The following LIN28B variants were observed in gnomAD, a reference collection of about 807,000 sequenced individuals.
LIN28B encodes the protein lin-28 RNA binding posttranscriptional regulator B.
Under a neutral mutation model 21.9 loss-of-function variants are expected in LIN28B, and 5 were observed. That is an observed-to-expected ratio of 0.23 (90% CI 0.12 to 0.48). The LOEUF (loss-of-function observed/expected upper bound fraction) is 0.48, where lower values mean the gene tolerates loss of function less well. LIN28B is among the 20% of genes least tolerant of loss of function. The pLI is 0.98. For missense variants in LIN28B, 245 were observed against 310.5 expected (o/e 0.79, Z 1.58); for synonymous variants, 109 against 111.3 (o/e 0.98, Z 0.13).
At chr6:104,978,438 G>A (rs1283931965) in intron 2 of LIN28B, among the ~76,000 whole-genome samples, 1 of 152,036 alleles carries the variant, frequency 6.6e-6, no homozygotes, top group Non-Finnish European at 1.5e-5. Flanking sequence ...TCAGCTGCTT[G>A]AATACCTTAA....
intron 2 of LIN28B, among the ~76,000 whole-genome samples, chr6:105,010,965 C>A (rs1770911014): frequency 6.6e-6 from 1 of 152,152 alleles, no homozygotes; most frequent in Admixed American, 6.6e-5. Context: ...TTACAGTATA[C>A]TCATTTTTTA....
At chr6:105,057,039 C>T (rs934528609) in intron 3 of LIN28B, among the ~76,000 whole-genome samples, 2 of 152,156 alleles carry the variant, frequency 1.3e-5, no homozygotes, top group Admixed American at 1.3e-4. Flanking sequence ...ATAAGTCTAT[C>T]ATATTCAGAA....
At chr6:105,074,635 T>G (rs1302545132) in intron 3 of LIN28B, among the ~76,000 whole-genome samples, 1 of 152,242 alleles carries the variant, frequency 6.6e-6, no homozygotes, top group African/African-American at 2.4e-5. Context: ...CTCATTAGAA[T>G]TACAGTATTT....
intron 3 of LIN28B, among the ~76,000 whole-genome samples, chr6:105,046,959 C>T (rs547769153): frequency 2.7e-4 from 38 of 139,682 alleles, no homozygotes; most frequent in Middle Eastern, 7.8e-3. Context: ...TTCTCCCATT[C>T]CGTAGGTTGC....
intron 2 of LIN28B, among the ~76,000 whole-genome samples, chr6:104,991,100 C>T (rs1770458123): frequency 6.6e-6 from 1 of 151,858 alleles, no homozygotes; most frequent in African/African-American, 2.4e-5. Flanking sequence ...GGGGTGGCGG[C>T]GGGCAGAGGG....
At chr6:104,988,564 C>T (rs1770395683) in intron 2 of LIN28B, among the ~76,000 whole-genome samples, 1 of 143,062 alleles carries the variant, frequency 7.0e-6, no homozygotes, top group Admixed American at 7.6e-5. Flanking sequence ...AGGAAGACTA[C>T]CTAGATTTTT....
intron 3 of LIN28B, among the ~76,000 whole-genome samples, chr6:105,049,218 T>C (rs1415401519): frequency 6.6e-6 from 1 of 152,206 alleles, no homozygotes; most frequent in African/African-American, 2.4e-5. Context: ...TTCTCATTGG[T>C]TTCAAAGAGC....
intron 2 of LIN28B, among the ~76,000 whole-genome samples, chr6:104,972,634 A>T (rs1471738270): frequency 6.6e-6 from 1 of 152,172 alleles, no homozygotes; most frequent in Non-Finnish European, 1.5e-5. Flanking sequence ...AGTTTAATGA[A>T]TTATTTGATT....
At chr6:104,940,978 A>G (rs1023018563) in intron 2 of LIN28B, 1 of 151,084 alleles carries the variant, frequency 6.6e-6, no homozygotes, top group Admixed American at 6.6e-5. Flanking sequence ...CCCCTCTCAC[A>G]CCCAGGCTAG....
At chr6:105,076,968 G>T (rs1040967130) in intron 3 of LIN28B, among the ~76,000 whole-genome samples, 3 of 151,710 alleles carry the variant, frequency 2.0e-5, no homozygotes, top group African/African-American at 4.8e-5. Context: ...AGTGGCTCAC[G>T]TCTGTAATCC....
intron 2 of LIN28B, among the ~76,000 whole-genome samples, chr6:105,024,628 C>T (rs1771249540): frequency 1.3e-5 from 2 of 152,148 alleles, no homozygotes; most frequent in Non-Finnish European, 2.9e-5. Flanking sequence ...AAAGGTGCTG[C>T]CAAATTGCAG....
chr6:104,941,117 G>C (rs1432486742), intron 2 of LIN28B: 1 of 152,240 alleles, frequency 6.6e-6, no homozygotes, highest in Non-Finnish European at 1.5e-5. Flanking sequence ...GCAACGTCGA[G>C]GGGAGCTCCG....
At chr6:104,977,839 T>TA (rs1218896974) in intron 2 of LIN28B, among the ~76,000 whole-genome samples, 3 of 152,136 alleles carry the variant, frequency 2.0e-5, no homozygotes, top group Non-Finnish European at 4.4e-5. Context: ...ATGCTAGGAT[T>TA]ACAGGCGTGA....
At chr6:105,008,533 A>G (rs1249195180) in intron 2 of LIN28B, among the ~76,000 whole-genome samples, 1 of 151,616 alleles carries the variant, frequency 6.6e-6, no homozygotes, top group Non-Finnish European at 1.5e-5. Context: ...GGTCCCAGCT[A>G]CTCGGGAGGC....
chr6:105,074,401 T>C (rs563067548), intron 3 of LIN28B, among the ~76,000 whole-genome samples: 61 of 152,264 alleles, frequency 4.0e-4, no homozygotes, highest in Admixed American at 7.8e-4. Context: ...GGTTTCACCA[T>C]GTTAGCCAAG....
chr6:105,069,564 A>T (rs1263920134), intron 3 of LIN28B, among the ~76,000 whole-genome samples: 2 of 150,228 alleles, frequency 1.3e-5, no homozygotes, highest in Non-Finnish European at 3.0e-5. Flanking sequence ...GTCTCTACAA[A>T]AAATTTAAAA....
chr6:105,042,030 T>C (rs1230900843), intron 3 of LIN28B, among the ~76,000 whole-genome samples: 1 of 152,126 alleles, frequency 6.6e-6, no homozygotes, highest in Non-Finnish European at 1.5e-5. Context: ...CTCACAAAAG[T>C]TCAGAATTAA....
chr6:105,007,908 G>A (rs1770848703), intron 2 of LIN28B, among the ~76,000 whole-genome samples: 1 of 152,216 alleles, frequency 6.6e-6, no homozygotes, highest in Admixed American at 6.5e-5. Context: ...GCCTTGCAAA[G>A]TGTTGGTATT....
intron 2 of LIN28B, among the ~76,000 whole-genome samples, chr6:105,018,289 A>C (rs1040083703): frequency 7.2e-5 from 11 of 151,946 alleles, no homozygotes; most frequent in African/African-American, 2.7e-4. Flanking sequence ...CTTACTCTTA[A>C]AAAAAAATAA....
Sources: allele counts gnomAD v4.1 joint callset (sites outside exome capture counted in the v4.1 genomes callset), GRCh38; gene constraint gnomAD v4.1.1; transcripts MANE v1.5; gene names NCBI Gene and HGNC (gene_info 2026-07-23, HGNC 2026-07-21).